SLCO3A1: variants seen among roughly 807,000 people sequenced by gnomAD.
The protein encoded by SLCO3A1 is solute carrier organic anion transporter family member 3A1, also known as PGE1 transporter.
A neutral mutation model predicts 63.1 loss-of-function variants in SLCO3A1; 27 were observed. The ratio of observed to expected loss-of-function variants is 0.43; its 90% CI spans 0.32 to 0.59. The LOEUF (loss-of-function observed/expected upper bound fraction) is 0.59. Ranked by LOEUF, SLCO3A1 falls within the 20% of genes least tolerant of loss-of-function variation. The pLI is 0.09. For missense variants in SLCO3A1, 773 were observed against 945.8 expected (o/e 0.82, Z 2.40); for synonymous variants, 473 against 409.9 (o/e 1.15, Z -1.86).
At chr15:92,156,176 T>G (rs193127578) in intron 9 of SLCO3A1, among the ~76,000 whole-genome samples, 46 of 152,320 alleles carry the variant, frequency 3.0e-4, no homozygotes, top group East Asian at 2.1e-3. Flanking sequence ...ATGAACGTGT[T>G]AAGTGCTGCT....
At chr15:91,951,558 C>CTTTTTTTTTTTT (rs527858153) in intron 2 of SLCO3A1, among the ~76,000 whole-genome samples, 2 of 138,106 alleles carry the variant, frequency 1.4e-5, no homozygotes, top group African/African-American at 2.7e-5. Flanking sequence ...TTTTTCTTTT[C>CTTTTTTTTTTTT]TTTTTTTTTT....
At chr15:92,046,674 A>G (rs1178663041) in intron 2 of SLCO3A1, among the ~76,000 whole-genome samples, 1 of 152,062 alleles carries the variant, frequency 6.6e-6, no homozygotes, top group African/African-American at 2.4e-5. Context: ...TCAGTGTTGA[A>G]GAATCAACTG....
intron 2 of SLCO3A1, among the ~76,000 whole-genome samples, chr15:92,004,787 T>C (rs2046295429): frequency 6.6e-6 from 1 of 152,096 alleles, no homozygotes; most frequent in African/African-American, 2.4e-5. Context: ...TGAAATCTGG[T>C]GGTTTGTGTA....
chr15:91,915,275 C>T (rs758790635), intron 1 of SLCO3A1, among the ~76,000 whole-genome samples: 1 of 151,886 alleles, frequency 6.6e-6, no homozygotes, highest in Admixed American at 6.6e-5. Flanking sequence ...AGCAGATGTT[C>T]GGTATATGTT....
intron 6 of SLCO3A1, 22 bp downstream of exon 6, chr15:92,126,281 C>T (rs369951235): frequency 3.4e-5 from 54 of 1,603,210 alleles, no homozygotes; most frequent in African/African-American, 2.3e-4. Context: ...CAGTGTCTGC[C>T]GCCTTCCTGC....
At chr15:92,043,332 G>T (rs962036914) in intron 2 of SLCO3A1, among the ~76,000 whole-genome samples, 1 of 152,184 alleles carries the variant, frequency 6.6e-6, no homozygotes, top group Admixed American at 6.5e-5. Flanking sequence ...TTAATTGCAG[G>T]CCATGAAAAC....
chr15:92,148,489 T>C (rs1042507734), intron 8 of SLCO3A1, among the ~76,000 whole-genome samples: 9 of 152,178 alleles, frequency 5.9e-5, no homozygotes, highest in Admixed American at 1.3e-4. Flanking sequence ...TAGGGTATAA[T>C]AGCAAATTAC....
intron 2 of SLCO3A1, among the ~76,000 whole-genome samples, chr15:92,007,755 A>G (rs1054300089): frequency 6.6e-6 from 1 of 152,162 alleles, no homozygotes; most frequent in Non-Finnish European, 1.5e-5. Flanking sequence ...GTTTTGGGGC[A>G]TCATGCATTA....
intron 2 of SLCO3A1, among the ~76,000 whole-genome samples, chr15:92,009,080 T>G (rs2046342381): frequency 6.6e-6 from 1 of 152,204 alleles, no homozygotes; most frequent in Non-Finnish European, 1.5e-5. Flanking sequence ...TATTTCTCTG[T>G]GCCAATGTGT....
At chr15:91,909,819 C>T (rs1898428187) in intron 1 of SLCO3A1, among the ~76,000 whole-genome samples, 4 of 152,216 alleles carry the variant, frequency 2.6e-5, no homozygotes, top group Admixed American at 2.0e-4. Flanking sequence ...CAGCTGCTGC[C>T]TCTGTTGAGC....
At chr15:92,057,202 G>T (rs144423694) in intron 2 of SLCO3A1, among the ~76,000 whole-genome samples, 5 of 152,200 alleles carry the variant, frequency 3.3e-5, no homozygotes, top group African/African-American at 1.2e-4. Context: ...CTGGACTGCC[G>T]GTAAGAAGGC....
At chr15:91,974,865 A>G (rs1460898301) in intron 2 of SLCO3A1, among the ~76,000 whole-genome samples, 2 of 152,158 alleles carry the variant, frequency 1.3e-5, no homozygotes, top group East Asian at 3.9e-4. Context: ...CAGTTCCTTC[A>G]TTAAGAAAGC....
intron 3 of SLCO3A1, among the ~76,000 whole-genome samples, chr15:92,102,604 C>T (rs1415337587): frequency 6.6e-6 from 1 of 152,134 alleles, no homozygotes; most frequent in Non-Finnish European, 1.5e-5. Flanking sequence ...CAGGCTTACA[C>T]TGTCCCCTCT....
At chr15:91,909,157 T>A (rs971868568) in intron 1 of SLCO3A1, among the ~76,000 whole-genome samples, 1 of 152,224 alleles carries the variant, frequency 6.6e-6, no homozygotes, top group Non-Finnish European at 1.5e-5. Flanking sequence ...ACAGGAGTGC[T>A]TCATATACTT....
intron 2 of SLCO3A1, among the ~76,000 whole-genome samples, chr15:92,003,599 T>A (rs2046280327): frequency 6.6e-6 from 1 of 152,148 alleles, no homozygotes; most frequent in African/African-American, 2.4e-5. Context: ...TGATGAGAAA[T>A]CCCAGACTTC....
chr15:92,004,615 G>A (rs932162716), intron 2 of SLCO3A1, among the ~76,000 whole-genome samples: 2 of 152,140 alleles, frequency 1.3e-5, no homozygotes, highest in Non-Finnish European at 2.9e-5. Flanking sequence ...AGATGTCACC[G>A]TAGTCTGTGT....
At chr15:91,969,763 C>A (rs1900790775) in intron 2 of SLCO3A1, among the ~76,000 whole-genome samples, 1 of 152,212 alleles carries the variant, frequency 6.6e-6, no homozygotes, top group Non-Finnish European at 1.5e-5. Flanking sequence ...TATATTCTCC[C>A]AAGAGAAGTC....
intron 2 of SLCO3A1, among the ~76,000 whole-genome samples, chr15:92,024,476 T>C (rs527643739): frequency 1.3e-5 from 2 of 152,328 alleles, no homozygotes; most frequent in Admixed American, 6.5e-5. Flanking sequence ...TAGTCTGTAT[T>C]TAAGTGGAAT....
intron 3 of SLCO3A1, among the ~76,000 whole-genome samples, chr15:92,102,095 G>A (rs1215614546): frequency 1.3e-5 from 2 of 152,010 alleles, no homozygotes; most frequent in Non-Finnish European, 2.9e-5. Flanking sequence ...GCTCACATCT[G>A]CCAGCTTTTC....
Sources: gnomAD v4.1 joint callset for allele counts (sites outside exome capture counted in the v4.1 genomes callset) on GRCh38, gnomAD v4.1.1 for gene constraint, MANE v1.5 for transcripts, NCBI Gene and HGNC (gene_info 2026-07-23, HGNC 2026-07-21) for gene names.